CUBN: variants seen among roughly 807,000 people sequenced by gnomAD.
CUBN encodes 460 kDa receptor.
A neutral mutation model predicts 405.3 loss-of-function variants in CUBN; 282 were observed. That is an observed-to-expected ratio of 0.70 (90% CI 0.63 to 0.77). The LOEUF is 0.77. CUBN is among the 30% of genes least tolerant of loss of function. CUBN has a pLI of 0.00. For missense variants in CUBN, 4,514 were observed against 4,475.2 expected (o/e 1.01, Z -0.25); for synonymous variants, 1,684 against 1,617.0 (o/e 1.04, Z -0.99).
intron 15 of CUBN, 139 bp from the exon 16 acceptor site, chr10:17,085,898 C>G: frequency 1.3e-6 from 1 of 765,656 alleles, no homozygotes; most frequent in Non-Finnish European, 2.2e-6. Flanking sequence ...CCAAATGTAA[C>G]TCATGGCTGA....
At chr10:17,081,965 GT>G (rs35837265) in intron 17 of CUBN, among the ~76,000 whole-genome samples, 2 of 151,370 alleles carry the variant, frequency 1.3e-5, no homozygotes, top group Non-Finnish European at 1.5e-5. Context: ...GAATAATACA[GT>G]TTTTTTTTCC....
chr10:17,101,361 T>C (rs1660001545), intron 13 of CUBN, among the ~76,000 whole-genome samples: 2 of 152,002 alleles, frequency 1.3e-5, no homozygotes, highest in Admixed American at 6.6e-5. Context: ...CAAAAGAATG[T>C]TTTCAATGCC....
At chr10:17,125,307 C>G (rs1291587164) in intron 4 of CUBN, among the ~76,000 whole-genome samples, 1 of 152,074 alleles carries the variant, frequency 6.6e-6, no homozygotes, top group African/African-American at 2.4e-5. Context: ...AAAATTACGT[C>G]TGTTTCCTTC....
intron 27 of CUBN, among the ~76,000 whole-genome samples, chr10:17,031,314 A>G (rs1166203632): frequency 2.0e-5 from 3 of 152,232 alleles, no homozygotes; most frequent in Non-Finnish European, 4.4e-5. Flanking sequence ...TTACATCAGC[A>G]TCAGTGCAAA....
rs199620316 is a variant in CUBN, at chr10:17,068,437, CAATT to C, written c.2792-161_2792-158del. 0.02 allele frequency among the ~76,000 whole-genome samples: 3,097 copies of C among 151,730 alleles called. 108 individuals carry two copies. Among genetic ancestry groups the C allele is most frequent in the African/African-American group, 0.07 (2,898 of 41,120 alleles). On this transcript the variant is annotated intron_variant, in intron 20 of 66. Transcript: ENST00000377833. Reference sequence around the variant, plus strand: ...TGATTTTTCTCTTATTAATAAGTAACAATTAACTTTTGATATAAATGTTGATTAG... The same window carrying C: ...TGATTTTTCTCTTATTAATAAGTAACAACTTTTGATATAAATGTTGATTAG...
chr10:16,865,989 T>G (rs1564393316), intron 59 of CUBN, among the ~76,000 whole-genome samples: 1 of 152,068 alleles, frequency 6.6e-6, no homozygotes, highest in Non-Finnish European at 1.5e-5. Context: ...TGCCACCACT[T>G]GTCCCTGAGG....
Position 16,876,922 on chromosome 10 carries a change from T to A in CUBN, c.9081A>T (p.Gly3027=). The change falls in exon 57 of 67, where the codon GGA becomes GGT. Residue 3027 remains glycine (G), a synonymous_variant. Coordinates refer to ENST00000377833, the MANE Select transcript of CUBN (RefSeq NM_001081.4). ...FYSNEQITDF[G]FKFSYRIISC... is the part of the protein sequence containing the mutation. Reference sequence around the variant, plus strand: ...AGATTATCCTATAGGAAAACTTGAATCCGAAGTCTGTGATTTGCTCGTTGG... The same window carrying A: ...AGATTATCCTATAGGAAAACTTGAAACCGAAGTCTGTGATTTGCTCGTTGG... 1.2e-6 allele frequency: 2 copies of A among 1,614,124 alleles called. No homozygotes were observed. The highest frequency in any genetic ancestry group is 1.7e-6 in the Non-Finnish European group (2 of 1,180,010).
At chr10:16,839,887 TA>T (rs1469576713) in intron 62 of CUBN, among the ~76,000 whole-genome samples, 5 of 151,908 alleles carry the variant, frequency 3.3e-5, no homozygotes, top group East Asian at 1.9e-4. Context: ...TATGCAGCCA[TA>T]AAAAATGATG....
chr10:17,098,640 C>A (rs1836430025), intron 14 of CUBN, among the ~76,000 whole-genome samples: 1 of 152,130 alleles, frequency 6.6e-6, no homozygotes, highest in Non-Finnish European at 1.5e-5. Flanking sequence ...AAATATCCTT[C>A]ATTCACACAT....
intron 28 of CUBN, among the ~76,000 whole-genome samples, chr10:17,012,148 A>G (rs1448399944): frequency 6.6e-6 from 1 of 152,208 alleles, no homozygotes; most frequent in African/African-American, 2.4e-5. Flanking sequence ...TTGTAAGACC[A>G]TCTGTAGCCT....
Position 16,906,139 on chromosome 10 carries a change from CAACAAAAA to C in CUBN, c.7912+56_7912+63del. 5 of 1,335,026 alleles carry C rather than the reference CAACAAAAA, an allele frequency of 3.7e-6. No homozygotes were observed. In the South Asian group the frequency reaches 5.9e-5, roughly 16 times the overall value. 82.7% of individuals were successfully genotyped at this position (1,335,026 alleles called of 1,614,324 possible). ...AAAACAACAACAACAGCAGCGACAACAACAAAAAAGATAAAAAGAATATTGTAGATAAA... is the reference window on the plus strand; with the variant it reads ...AAAACAACAACAACAGCAGCGACAACAGATAAAAAGAATATTGTAGATAAA... On this transcript the variant is annotated intron_variant, in intron 50 of 66. Transcript: ENST00000377833.
At chr10:17,120,192 A>G (rs2131319940) in intron 6 of CUBN, among the ~76,000 whole-genome samples, 1 of 152,372 alleles carries the variant, frequency 6.6e-6, no homozygotes, top group East Asian at 1.9e-4. Flanking sequence ...CACATAATTA[A>G]CAGAACTCAA....
intron 48 of CUBN, among the ~76,000 whole-genome samples, chr10:16,913,256 A>G (rs1260481413): frequency 6.6e-6 from 1 of 152,202 alleles, no homozygotes; most frequent in Non-Finnish European, 1.5e-5. Flanking sequence ...TGTGCACAGC[A>G]CTTCACAGTT....
chr10:17,010,336 C>T (rs966962900), intron 28 of CUBN, among the ~76,000 whole-genome samples: 1 of 152,146 alleles, frequency 6.6e-6, no homozygotes, highest in Admixed American at 6.6e-5. Context: ...CATGAGTTGA[C>T]TTAGGTTGAA....
chr10:17,053,204 T>C (rs1394028979), intron 22 of CUBN, among the ~76,000 whole-genome samples: 1 of 152,136 alleles, frequency 6.6e-6, no homozygotes, highest in African/African-American at 2.4e-5. Flanking sequence ...ACTACCATAA[T>C]GGTATGTTAA....
intron 31 of CUBN, among the ~76,000 whole-genome samples, chr10:16,977,774 G>A (rs368161366): frequency 5.3e-5 from 8 of 152,266 alleles, no homozygotes; most frequent in South Asian, 2.1e-4. Context: ...CATGGGGCCC[G>A]GAGTCCAGAA....
intron 28 of CUBN, among the ~76,000 whole-genome samples, chr10:16,993,588 G>A (rs545313267): frequency 2.0e-5 from 3 of 151,840 alleles, no homozygotes; most frequent in African/African-American, 4.8e-5. Context: ...TTAATAAAAA[G>A]AGCAAAATTT....
Position 16,836,301 on chromosome 10 carries a change from T to C in CUBN, c.10114A>G (p.Met3372Val), listed in dbSNP as rs1235191296. 6.2e-7 allele frequency: 1 copy of C among 1,613,414 alleles called. No homozygotes were observed. Among genetic ancestry groups the C allele is most frequent in the African/African-American group, 1.3e-5 (1 of 74,930 alleles). Reference sequence around the variant, plus strand: ...ACAACTCCAGATTTGAAAATGACCATTGCAGTACTCATAGAAGAATAAAAC... The same window carrying C: ...ACAACTCCAGATTTGAAAATGACCACTGCAGTACTCATAGAAGAATAAAAC... Reference protein sequence around the residue: ...PVFYSSMSTAMVIFKSGVVNR... With the variant: ...PVFYSSMSTAVVIFKSGVVNR... Residue 3372 changes from methionine to valine, a missense_variant, in exon 63 of 67, where the codon ATG becomes GTG. Coordinates refer to ENST00000377833, the MANE Select transcript of CUBN (RefSeq NM_001081.4).
At chr10:17,023,084 G>A (rs1337752713) in intron 27 of CUBN, among the ~76,000 whole-genome samples, 2 of 151,330 alleles carry the variant, frequency 1.3e-5, no homozygotes, top group African/African-American at 4.9e-5. Flanking sequence ...ATTTTCACGT[G>A]ACTTAAAGAG....
Sources: gnomAD v4.1 joint callset for allele counts (sites outside exome capture counted in the v4.1 genomes callset) on GRCh38, gnomAD v4.1.1 for gene constraint, MANE v1.5 for transcripts, NCBI Gene and HGNC (gene_info 2026-07-23, HGNC 2026-07-21) for gene names.